Variants in MARCHF3 observed in about 807,000 individuals in gnomAD.
MARCHF3 encodes the protein membrane associated ring-CH-type finger 3.
MARCHF3 carries 13 observed loss-of-function variants against 24.2 expected under a neutral mutation model. The ratio of observed to expected loss-of-function variants is 0.54; its 90% confidence interval spans 0.35 to 0.85. The LOEUF (loss-of-function observed/expected upper bound fraction) is 0.85. MARCHF3 is among the 40% of genes least tolerant of loss of function. MARCHF3 has a pLI of 0.01. For missense variants in MARCHF3, 276 were observed against 325.0 expected, an observed-to-expected ratio of 0.85 and a Z score of 1.16; for synonymous variants, 144 against 137.3, an observed-to-expected ratio of 1.05 and a Z score of -0.34.
chr5:126,962,779 C>T (rs576368667), intron 1 of MARCHF3, among the ~76,000 whole-genome samples: 91 of 150,690 alleles, frequency 6.0e-4, no homozygotes, highest in African/African-American at 2.2e-3. Context: ...CAAAACACTT[C>T]TGGTCCCAGC....
chr5:126,869,089 G>A lies in MARCHF3; in HGVS notation c.*1544C>T, dbSNP rs548374400. On this transcript the variant is annotated 3_prime_UTR_variant, in exon 5 of 5. Coordinates refer to ENST00000308660, the MANE Select transcript of MARCHF3 (RefSeq NM_178450.5). ...CCCCAGGCAGCGCTGGGAGCAGCCA[G>A]TGAATGGAGGGCTCGCCTACAAAGG... 1 of 152,302 alleles carries A rather than the reference G, an allele frequency of 6.6e-6. No individual in the cohort carries two copies. The highest frequency in any genetic ancestry group is 2.4e-5 in the African/African-American group (1 of 41,558). 9.4% of individuals were successfully genotyped at this position (152,302 alleles called of 1,614,324 possible).
At chr5:126,995,652 T>G (rs185330231) in intron 1 of MARCHF3, among the ~76,000 whole-genome samples, 213 of 152,360 alleles carry the variant, frequency 1.4e-3, no homozygotes, top group African/African-American at 4.9e-3. Context: ...TTGTTTAACT[T>G]TCCATTTGAT....
intron 1 of MARCHF3, among the ~76,000 whole-genome samples, chr5:126,947,778 C>G (rs1042496752): frequency 6.6e-6 from 1 of 151,984 alleles, no homozygotes; most frequent in African/African-American, 2.4e-5. Context: ...CCCTTCCTAC[C>G]TCACCCTGGC....
At chr5:126,873,134 A>C (rs1753028994) in intron 4 of MARCHF3, among the ~76,000 whole-genome samples, 2 of 152,206 alleles carry the variant, frequency 1.3e-5, no homozygotes. Flanking sequence ...AGAAGTAGTT[A>C]TGAGTGCAGG....
intron 1 of MARCHF3, among the ~76,000 whole-genome samples, chr5:126,959,085 T>A (rs958029597): frequency 6.6e-6 from 1 of 152,122 alleles, no homozygotes; most frequent in Non-Finnish European, 1.5e-5. Flanking sequence ...GGAGCGTAAC[T>A]CCCTATTCCT....
chr5:126,943,848 T>C (rs1749917233), intron 1 of MARCHF3, among the ~76,000 whole-genome samples: 1 of 152,040 alleles, frequency 6.6e-6, no homozygotes, highest in Admixed American at 6.5e-5. Flanking sequence ...TCTCGCTCTG[T>C]CGCTCAGGCT....
intron 1 of MARCHF3, among the ~76,000 whole-genome samples, chr5:127,020,721 C>T (rs531278708): frequency 3.5e-4 from 53 of 151,978 alleles, no homozygotes; most frequent in African/African-American, 1.1e-3. Context: ...CATGGTAGCG[C>T]GCATTTGTGA....
chr5:127,003,008 C>A (rs1050328392), intron 1 of MARCHF3, among the ~76,000 whole-genome samples: 1 of 152,104 alleles, frequency 6.6e-6, no homozygotes, highest in African/African-American at 2.4e-5. Flanking sequence ...AATCACAAGT[C>A]CCAGTGGACT....
At chr5:126,970,466 CTTTTTTTCTTTTT>C (rs935202257) in intron 1 of MARCHF3, among the ~76,000 whole-genome samples, 5 of 151,218 alleles carry the variant, frequency 3.3e-5, no homozygotes, top group East Asian at 2.0e-4. Flanking sequence ...GATTAAATTA[CTTTTTTTCTTTTT>C]TTTTTTTCTT....
At chr5:126,994,672 G>A (rs1288628824) in intron 1 of MARCHF3, among the ~76,000 whole-genome samples, 1 of 152,152 alleles carries the variant, frequency 6.6e-6, no homozygotes, top group Non-Finnish European at 1.5e-5. Context: ...GTTCTCTAGA[G>A]GTACAGAACT....
At position 126,869,373 on chromosome 5, in the gene MARCHF3, C is replaced by T. The variant is rs1213739460; in HGVS notation, c.*1260G>A. ...GCCAGCGCTCTCCTCAGAAGACATC[C>T]GCTCCTGCCTCGGTGCGCGCACAAT... On this transcript the variant is annotated 3_prime_UTR_variant, in exon 5 of 5. Coordinates refer to ENST00000308660, the MANE Select transcript of MARCHF3 (RefSeq NM_178450.5). The T allele has an allele frequency of 2.0e-5, 3 of 152,210 alleles. No individual in the cohort carries two copies. Among genetic ancestry groups the T allele is most frequent in the Non-Finnish European group, 1.5e-5 (1 of 68,032 alleles). 9.4% of individuals were successfully genotyped at this position (152,210 alleles called of 1,614,324 possible). A position where few individuals can be genotyped will look rare whatever the true frequency, so the allele number is the denominator to read the frequency against.
chr5:126,896,861 G>A (rs1753936514), intron 3 of MARCHF3, among the ~76,000 whole-genome samples: 2 of 151,956 alleles, frequency 1.3e-5, no homozygotes, highest in African/African-American at 4.8e-5. Context: ...GAAAATCTGT[G>A]ACCCCTTTGA....
chr5:126,875,599 A>AT (rs35785399), intron 4 of MARCHF3, among the ~76,000 whole-genome samples: 1 of 152,210 alleles, frequency 6.6e-6, no homozygotes, highest in East Asian at 1.9e-4. Flanking sequence ...TCAGCACAGC[A>AT]TTTATCTGGG....
chr5:126,910,031 T>A (rs865799406), intron 3 of MARCHF3, among the ~76,000 whole-genome samples: 4 of 152,228 alleles, frequency 2.6e-5, no homozygotes, highest in Non-Finnish European at 4.4e-5. Context: ...ACAGTTCTTA[T>A]CAATCAGCTG....
intron 1 of MARCHF3, among the ~76,000 whole-genome samples, chr5:127,021,443 C>T (rs765528756): frequency 3.3e-5 from 5 of 152,128 alleles, no homozygotes; most frequent in Non-Finnish European, 7.3e-5. Flanking sequence ...ATATAATACA[C>T]ACAGATTTCA....
At position 126,936,235 on chromosome 5, in the gene MARCHF3, G is replaced by A. The variant is rs530961249; in HGVS notation, c.-56-18008C>T. Reference sequence around the variant, plus strand: ...AACTGATTTTTAGGACATAATGTTTGAGCCTTTTTAAAAAAGGAATTTATC... The same window carrying A: ...AACTGATTTTTAGGACATAATGTTTAAGCCTTTTTAAAAAAGGAATTTATC... On this transcript the variant is annotated intron_variant, in intron 1 of 4. Transcript: ENST00000308660. 8.5e-5 allele frequency among the ~76,000 whole-genome samples: 13 copies of A among 152,182 alleles called. No homozygotes were observed. The South Asian group carries it at 2.5e-3, about 29-fold the overall frequency.
chr5:126,894,147 ATCT>A (rs1259442262), intron 3 of MARCHF3, among the ~76,000 whole-genome samples: 2 of 132,844 alleles, frequency 1.5e-5, no homozygotes, highest in African/African-American at 6.3e-5. Context: ...TGCTTGGTAG[ATCT>A]TCCTCCATCC....
intron 1 of MARCHF3, among the ~76,000 whole-genome samples, chr5:126,978,923 A>G (rs1751296185): frequency 6.6e-6 from 1 of 152,228 alleles, no homozygotes; most frequent in African/African-American, 2.4e-5. Context: ...TGGCTGAACT[A>G]TCAATGGGAA....
intron 1 of MARCHF3, among the ~76,000 whole-genome samples, chr5:126,988,994 G>A (rs959633365): frequency 1.3e-5 from 2 of 152,082 alleles, no homozygotes; most frequent in Non-Finnish European, 2.9e-5. Context: ...ACTCCCACTG[G>A]CATCAACAAC....
Sources: gnomAD v4.1 joint callset for allele counts (sites outside exome capture counted in the v4.1 genomes callset) on GRCh38, gnomAD v4.1.1 for gene constraint, MANE v1.5 for transcripts, NCBI Gene and HGNC (gene_info 2026-07-23, HGNC 2026-07-21) for gene names.